ZNF385D: variants seen among roughly 807,000 people sequenced by gnomAD.
The protein encoded by ZNF385D is zinc finger protein 385D.
Under a neutral mutation model 35.8 loss-of-function variants are expected in ZNF385D, and 15 were observed. That is an observed-to-expected ratio of 0.42 (90% CI 0.28 to 0.64). The LOEUF (loss-of-function observed/expected upper bound fraction) is 0.64, where lower values mean the gene tolerates loss of function less well. Ranked by LOEUF, ZNF385D falls within the 30% of genes least tolerant of loss-of-function variation. The pLI is 0.23. For synonymous variants in ZNF385D, 212 were observed against 186.8 expected (o/e 1.13, Z -1.10); for missense variants, 474 against 494.6 (o/e 0.96, Z 0.39).
At chr3:21,845,387 C>T (rs773949893) in intron 3 of ZNF385D, among the ~76,000 whole-genome samples, 5 of 152,002 alleles carry the variant, frequency 3.3e-5, no homozygotes, top group Non-Finnish European at 5.9e-5. Flanking sequence ...GTAGCTCCTA[C>T]GACTAACGCT....
At chr3:21,972,099 C>T (rs1307059251) in intron 3 of ZNF385D, among the ~76,000 whole-genome samples, 2 of 151,898 alleles carry the variant, frequency 1.3e-5, no homozygotes, top group South Asian at 2.1e-4. Context: ...GCACTAAGAA[C>T]AAATGGACCC....
intron 1 of ZNF385D, among the ~76,000 whole-genome samples, chr3:21,694,300 G>A (rs968207339): frequency 5.9e-5 from 9 of 151,980 alleles, no homozygotes; most frequent in Non-Finnish European, 1.3e-4. Flanking sequence ...CTCCCAAAGT[G>A]CTGGGATTAC....
intron 1 of ZNF385D, among the ~76,000 whole-genome samples, chr3:21,723,274 A>C (rs540195218): frequency 6.6e-6 from 1 of 152,344 alleles, no homozygotes; most frequent in African/African-American, 2.4e-5. Flanking sequence ...CTCGCCAGCA[A>C]GGAAACAAAA....
intron 2 of ZNF385D, among the ~76,000 whole-genome samples, chr3:22,347,624 G>A (rs1462053945): frequency 6.6e-6 from 1 of 152,156 alleles, no homozygotes; most frequent in Non-Finnish European, 1.5e-5. Context: ...CAGCTTGGTA[G>A]CGTTGTTAGA....
Position 21,941,195 on chromosome 3 carries a change from AG to A in ZNF385D, c.325+227621del, listed in dbSNP as rs552278444. Among the ~76,000 whole-genome samples the A allele has an allele frequency of 7.2e-5, 11 of 152,300 alleles. No individual in the cohort carries two copies. In the South Asian group the frequency reaches 2.3e-3, roughly 32 times the overall value. On this transcript the variant is annotated intron_variant, in intron 3 of 5. Coordinates refer to the ZNF385D transcript ENST00000494108. ...CAGGAAACAAAATATTTGGGTTCAA[AG>A]CTTTGATTTTTCTTAGCTGTGTGAC...
chr3:22,077,695 C>A (rs372309805), intron 3 of ZNF385D, among the ~76,000 whole-genome samples: 8 of 151,998 alleles, frequency 5.3e-5, no homozygotes, highest in Non-Finnish European at 8.8e-5. Flanking sequence ...TACAGAGATG[C>A]TTCTCGGCAG....
At chr3:21,552,342 GTACTTATGGA>G (rs2062596103) in intron 3 of ZNF385D, among the ~76,000 whole-genome samples, 1 of 152,030 alleles carries the variant, frequency 6.6e-6, no homozygotes, top group Admixed American at 6.6e-5. Context: ...TGTAAAATTG[GTACTTATGGA>G]CATGGCTGGT....
chr3:21,792,508 G>A (rs2071971559), intron 3 of ZNF385D, among the ~76,000 whole-genome samples: 1 of 152,170 alleles, frequency 6.6e-6, no homozygotes, highest in South Asian at 2.1e-4. Context: ...GAGACCATCT[G>A]CCATGGAATA....
chr3:22,231,663 G>A (rs1164864662), intron 2 of ZNF385D, among the ~76,000 whole-genome samples: 2 of 151,874 alleles, frequency 1.3e-5, no homozygotes, highest in Non-Finnish European at 2.9e-5. Context: ...CATACCTACT[G>A]GGGCAAAAAA....
At chr3:22,158,256 C>T (rs1436287696) in intron 3 of ZNF385D, among the ~76,000 whole-genome samples, 2 of 152,180 alleles carry the variant, frequency 1.3e-5, no homozygotes, top group South Asian at 2.1e-4. Context: ...AAATTCATCA[C>T]AATTTCCATT....
intron 1 of ZNF385D, among the ~76,000 whole-genome samples, chr3:21,686,145 C>T (rs998461259): frequency 1.3e-5 from 2 of 152,008 alleles, no homozygotes; most frequent in African/African-American, 2.4e-5. Context: ...TTAAAAGTAA[C>T]CTTTTTTTAA....
At chr3:21,879,520 A>C (rs1698164576) in intron 3 of ZNF385D, among the ~76,000 whole-genome samples, 1 of 152,010 alleles carries the variant, frequency 6.6e-6, no homozygotes, top group South Asian at 2.1e-4. Flanking sequence ...GATCTGCTGT[A>C]AACTTCCTTC....
chr3:21,721,005 TTTC>T (rs1217461321), intron 1 of ZNF385D, among the ~76,000 whole-genome samples: 1 of 152,186 alleles, frequency 6.6e-6, no homozygotes, highest in Non-Finnish European at 1.5e-5. Context: ...TTGCTTAGAA[TTTC>T]TTCTATTTAA....
Position 21,664,826 on chromosome 3 carries a change from C to T in ZNF385D, c.165+60G>A, listed in dbSNP as rs1360185426. On this transcript the variant is annotated intron_variant, in intron 2 of 7. Coordinates refer to ENST00000281523, the MANE Select transcript of ZNF385D (RefSeq NM_024697.3). ...AGGCAGTGGCCGAACCAACCCTGGCCTTTAAGTTAGTTTTCCAATACCTTC... is the reference window on the plus strand; with the variant it reads ...AGGCAGTGGCCGAACCAACCCTGGCTTTTAAGTTAGTTTTCCAATACCTTC... 55 of 1,610,058 alleles carry T rather than the reference C, an allele frequency of 3.4e-5. No individual in the cohort carries two copies. In the South Asian group the frequency reaches 4.6e-4, roughly 14 times the overall value.
Position 21,437,119 on chromosome 3 carries a change from G to A in ZNF385D, c.524C>T (p.Ser175Phe), listed in dbSNP as rs1378976772. 3.7e-6 allele frequency: 6 copies of A among 1,613,872 alleles called. No homozygotes were observed. The highest frequency in any genetic ancestry group is 1.3e-5 in the African/African-American group (1 of 74,994). ...KSSVMTTEITSKVEKSPTTAT... is the reference protein window; with the variant it reads ...KSSVMTTEITFKVEKSPTTAT... ...TGTCGTTGGGCTTTTTTCCACTTTA[G>A]AGGTGATCTCAGTTGTCATAACACT... is the stretch of plus-strand genomic sequence containing the variant. Residue 175 changes from serine to phenylalanine, a missense_variant, in exon 5 of 8, where the codon TCT (serine) becomes TTT (phenylalanine). By Grantham distance (155) the Ser-to-Phe change is radical. Transcript: ENST00000281523.
rs74801367 is a variant in ZNF385D, at chr3:22,339,548, A to G, written c.106+32902T>C. Reference sequence around the variant, plus strand: ...CTGAAAACCCTCAACAGCTCCAATAAATGTTATGTATTAACATGTCACTTT... The same window carrying G: ...CTGAAAACCCTCAACAGCTCCAATAGATGTTATGTATTAACATGTCACTTT... On this transcript the variant is annotated intron_variant, in intron 2 of 5. Coordinates refer to the ZNF385D transcript ENST00000494108. Among the ~76,000 whole-genome samples, 381 of 152,328 alleles carry G rather than the reference A, an allele frequency of 2.5e-3. 2 individuals are homozygous for G. The highest frequency in any genetic ancestry group is 8.9e-3 in the African/African-American group (368 of 41,562).
intron 3 of ZNF385D, among the ~76,000 whole-genome samples, chr3:21,887,388 G>A (rs542423659): frequency 7.2e-5 from 11 of 152,210 alleles, no homozygotes; most frequent in African/African-American, 2.2e-4. Context: ...AATGAAGGGA[G>A]AGCATTTGTA....
chr3:22,257,812 G>A (rs1700391954), intron 2 of ZNF385D, among the ~76,000 whole-genome samples: 1 of 151,792 alleles, frequency 6.6e-6, no homozygotes. Context: ...TGATTAAAAT[G>A]CTGAATAAAT....
At chr3:21,666,672 T>C (rs2066418039) in intron 1 of ZNF385D, among the ~76,000 whole-genome samples, 1 of 152,192 alleles carries the variant, frequency 6.6e-6, no homozygotes, top group South Asian at 2.1e-4. Flanking sequence ...AGAGAGGGCA[T>C]CCATAAAACT....
Sources: gnomAD v4.1 joint callset for allele counts (sites outside exome capture counted in the v4.1 genomes callset) on GRCh38, gnomAD v4.1.1 for gene constraint, MANE v1.5 for transcripts, NCBI Gene and HGNC (gene_info 2026-07-23, HGNC 2026-07-21) for gene names.